VTI1A: variants seen among roughly 807,000 people sequenced by gnomAD.
The protein encoded by VTI1A is vesicle transport through interaction with t-SNAREs 1A, also known as vesicle transport through interaction with t-SNAREs homolog 1A.
Under a neutral mutation model 34.9 loss-of-function variants are expected in VTI1A, and 22 were observed. The ratio of observed to expected loss-of-function variants is 0.63; its 90% CI spans 0.45 to 0.90. The LOEUF is 0.90. Ranked by LOEUF, VTI1A falls within the 40% of genes least tolerant of loss-of-function variation. The pLI is 0.00. For missense variants in VTI1A, 268 were observed against 275.6 expected (o/e 0.97, Z 0.20); for synonymous variants, 87 against 97.3 (o/e 0.89, Z 0.62).
chr10:112,491,620 CAAAAT>C (rs1848825712), intron 3 of VTI1A, among the ~76,000 whole-genome samples: 1 of 152,124 alleles, frequency 6.6e-6, no homozygotes, highest in South Asian at 2.1e-4. Context: ...TAGCTCCAAA[CAAAAT>C]ATTACCGTTT....
intron 7 of VTI1A, among the ~76,000 whole-genome samples, chr10:112,777,284 C>T (rs1040894950): frequency 1.3e-5 from 2 of 152,186 alleles, no homozygotes; most frequent in African/African-American, 4.8e-5. Context: ...CCCAGCCTTC[C>T]AGGCTTGCCT....
At chr10:112,807,849 G>A (rs546668942) in intron 7 of VTI1A, among the ~76,000 whole-genome samples, 8 of 150,164 alleles carry the variant, frequency 5.3e-5, no homozygotes, top group African/African-American at 1.5e-4. Flanking sequence ...GTGAAACTCC[G>A]TCTCAAAAAA....
chr10:112,593,893 C>T (rs1350771902), intron 5 of VTI1A, among the ~76,000 whole-genome samples: 5 of 121,024 alleles, frequency 4.1e-5, no homozygotes, highest in South Asian at 2.5e-4. Flanking sequence ...CCCGCCACCA[C>T]GCCCGGCTAA....
chr10:112,527,376 T>C (rs1351648634), intron 4 of VTI1A: 2 of 389,266 alleles, frequency 5.1e-6, no homozygotes, highest in Non-Finnish European at 9.2e-6. Flanking sequence ...GTCTGCTATC[T>C]TTTAAAAAAA....
intron 7 of VTI1A, among the ~76,000 whole-genome samples, chr10:112,781,104 C>T (rs1260012987): frequency 6.6e-6 from 1 of 152,120 alleles, no homozygotes; most frequent in Non-Finnish European, 1.5e-5. Flanking sequence ...ACCGCCATGG[C>T]CGGGTAATTT....
chr10:112,766,671 C>G (rs2134015710), intron 7 of VTI1A, among the ~76,000 whole-genome samples: 1 of 152,302 alleles, frequency 6.6e-6, no homozygotes, highest in South Asian at 2.1e-4. Flanking sequence ...CTAAAATCTC[C>G]CATTGGATTC....
At chr10:112,730,009 G>A (rs1243510048) in intron 7 of VTI1A, among the ~76,000 whole-genome samples, 1 of 152,192 alleles carries the variant, frequency 6.6e-6, no homozygotes, top group Non-Finnish European at 1.5e-5. Context: ...TCTCTCCCCA[G>A]CAGCAACACC....
the VTI1A span, among the ~76,000 whole-genome samples, chr10:112,849,318 A>C: frequency 6.6e-6 from 1 of 152,214 alleles, no homozygotes; most frequent in Non-Finnish European, 1.5e-5. Flanking sequence ...GTCTTCACAC[A>C]TGGGCATTCA....
rs1012567584 is a variant in VTI1A at position 112,559,430 on chromosome 10, C to T, written c.427+21100C>T. ...ATTCTGTAGGGCTTCAGCTTGAGAC[C>T]TCATCATCTCGTCAGTATTGAGAAA... On this transcript the variant is annotated intron_variant, in intron 5 of 7. Coordinates refer to ENST00000393077, the MANE Select transcript of VTI1A (RefSeq NM_145206.4). Among the ~76,000 whole-genome samples, 8 of 152,246 alleles carry T rather than the reference C, an allele frequency of 5.3e-5. No homozygotes were observed. The South Asian group carries it at 8.3e-4, about 16-fold the overall frequency.
At chr10:112,503,860 A>G (rs1372987724) in intron 3 of VTI1A, among the ~76,000 whole-genome samples, 5 of 152,298 alleles carry the variant, frequency 3.3e-5, no homozygotes, top group African/African-American at 1.2e-4. Context: ...AGGATAGATA[A>G]GATTCACTGG....
the VTI1A span, among the ~76,000 whole-genome samples, chr10:112,854,942 C>A: frequency 1.3e-5 from 2 of 152,124 alleles, no homozygotes; most frequent in African/African-American, 4.8e-5. Flanking sequence ...GGGGAAGGAG[C>A]CAAGAATGGG....
downstream of VTI1A, among the ~76,000 whole-genome samples, chr10:112,823,278 G>A (rs1214874204): frequency 6.6e-6 from 1 of 152,202 alleles, no homozygotes; most frequent in African/African-American, 2.4e-5. Flanking sequence ...GATAGGAATG[G>A]GGACTGTTTA....
At chr10:112,628,738 A>T (rs1350522178) in intron 5 of VTI1A, among the ~76,000 whole-genome samples, 1 of 152,116 alleles carries the variant, frequency 6.6e-6, no homozygotes, top group African/African-American at 2.4e-5. Context: ...TTTGATCTAA[A>T]CTATATTTTA....
intron 5 of VTI1A, among the ~76,000 whole-genome samples, chr10:112,631,823 C>G (rs1377365477): frequency 6.6e-6 from 1 of 152,142 alleles, no homozygotes; most frequent in Non-Finnish European, 1.5e-5. Flanking sequence ...TGTCGTGACT[C>G]ATAATGCTCC....
intron 7 of VTI1A, among the ~76,000 whole-genome samples, chr10:112,720,307 C>T (rs1466469056): frequency 2.6e-5 from 4 of 152,228 alleles, no homozygotes; most frequent in Non-Finnish European, 5.9e-5. Context: ...AGTGGCTGCA[C>T]TGTTTCCCAG....
chr10:112,776,204 G>A (rs1851951787), intron 7 of VTI1A, among the ~76,000 whole-genome samples: 1 of 152,214 alleles, frequency 6.6e-6, no homozygotes, highest in Non-Finnish European at 1.5e-5. Flanking sequence ...GTAATCGTGG[G>A]CAGATCAGTG....
the VTI1A span, among the ~76,000 whole-genome samples, chr10:112,828,760 C>G: frequency 6.6e-6 from 1 of 151,558 alleles, no homozygotes; most frequent in African/African-American, 2.4e-5. Context: ...GCCTGTAATC[C>G]CAGCACTTTG....
rs768705610 is a variant in VTI1A at position 112,632,298 on chromosome 10, A to G, written c.428-35920A>G. Among the ~76,000 whole-genome samples the G allele has an allele frequency of 4.5e-4, 69 of 152,204 alleles. 1 individual carries two copies. The highest frequency in any genetic ancestry group is 1.5e-3 in the African/African-American group (62 of 41,444). On this transcript the variant is annotated intron_variant, in intron 5 of 7. Coordinates refer to ENST00000393077, the MANE Select transcript of VTI1A (RefSeq NM_145206.4). ...TATAATTATCTGAACGTAGTTTTCCATATGAACACAAAGTATTTTTGTGTG... is the reference window on the plus strand; with the variant it reads ...TATAATTATCTGAACGTAGTTTTCCGTATGAACACAAAGTATTTTTGTGTG...
At chr10:112,581,340 G>A (rs1397549498) in intron 5 of VTI1A, among the ~76,000 whole-genome samples, 1 of 152,196 alleles carries the variant, frequency 6.6e-6, no homozygotes, top group East Asian at 1.9e-4. Context: ...TAGTGTGCCA[G>A]GCCTTGTGGT....
Sources: gnomAD v4.1 joint callset for allele counts (sites outside exome capture counted in the v4.1 genomes callset) on GRCh38, gnomAD v4.1.1 for gene constraint, MANE v1.5 for transcripts, NCBI Gene and HGNC (gene_info 2026-07-23, HGNC 2026-07-21) for gene names.